TET3: variants seen among roughly 807,000 people sequenced by gnomAD.
TET3 encodes the protein methylcytosine dioxygenase TET3.
TET3 carries 19 observed loss-of-function variants against 141.4 expected under a neutral mutation model. That is an observed-to-expected ratio of 0.13 (90% CI 0.09 to 0.20). The LOEUF is 0.20. TET3 is among the 10% of genes least tolerant of loss of function. The probability of loss-of-function intolerance (pLI) is 1.00; values close to 1 mark genes in which losing one functional copy is unlikely to be tolerated. For missense variants in TET3, 1,874 were observed against 2,356.9 expected, an observed-to-expected ratio of 0.80 and a Z score of 4.24; for synonymous variants, 1,043 against 980.9, an observed-to-expected ratio of 1.06 and a Z score of -1.18.
Position 74,032,559 on chromosome 2 carries a change from C to T in TET3, c.361-13719C>T, listed in dbSNP as rs1036339579. Among the ~76,000 whole-genome samples, 9 of 143,516 alleles carry T rather than the reference C, an allele frequency of 6.3e-5. No homozygotes were observed. In the East Asian group the frequency reaches 1.8e-3, roughly 29 times the overall value. The allele number at this position is 143,516 out of a possible 152,430, so 94.2% of individuals were successfully genotyped here. A position where few individuals can be genotyped will look rare whatever the true frequency, so the allele number is the denominator to read the frequency against. On this transcript the variant is annotated intron_variant, in intron 3 of 11. Transcript: ENST00000409262. ...TCTGGCTGAGGAGCTGCCTCCGCGT[C>T]ATGACCTGGTTCTTGTGTGCTGGCA...
At chr2:74,072,148 T>G (rs1327015834) in intron 4 of TET3, among the ~76,000 whole-genome samples, 1 of 152,180 alleles carries the variant, frequency 6.6e-6, no homozygotes, top group Non-Finnish European at 1.5e-5. Flanking sequence ...TTCTATAGAT[T>G]TACCTATTCT....
chr2:74,082,907 T>C (rs1002011957), intron 6 of TET3, among the ~76,000 whole-genome samples: 8 of 152,034 alleles, frequency 5.3e-5, no homozygotes, highest in Non-Finnish European at 7.4e-5. Flanking sequence ...CACGGGTGAG[T>C]GCAGGCATCC....
chr2:74,075,683 C>G (rs1172100107), intron 5 of TET3, among the ~76,000 whole-genome samples: 2 of 152,118 alleles, frequency 1.3e-5, no homozygotes, highest in African/African-American at 4.8e-5. Context: ...AGCTGAATGA[C>G]TATAACAGCT....
intron 5 of TET3, 52 bp from the exon 6 acceptor site, chr2:74,080,445 GT>G: frequency 1.3e-6 from 2 of 1,529,432 alleles, no homozygotes; most frequent in Non-Finnish European, 1.8e-6. Context: ...ACCAAAAGTT[GT>G]TCTCCTTTGG....
Position 74,101,471 on chromosome 2 carries a change from A to G in TET3, c.4683A>G (p.Lys1561=), listed in dbSNP as rs1691210638. Residue 1561 remains lysine, a synonymous_variant, in exon 12 of 12, where the codon AAA becomes AAG. Transcript: ENST00000409262. The surrounding 1 kb of genome is among the most constrained non-coding windows in gnomAD (Gnocchi z 8.5). ...AAGACAAGCTGTGGAACCCCATGAA[A>G]GGAGAGGAGGGCAGGATTCCAGCCG... is the stretch of plus-strand genomic sequence containing the variant. ...GFQDKLWNPM[K]GEEGRIPAAG... The G allele has an allele frequency of 6.2e-7, 1 of 1,613,610 alleles. No individual in the cohort carries two copies. The highest frequency in any genetic ancestry group is 8.5e-7 in the Non-Finnish European group (1 of 1,179,822).
At chr2:74,040,850 G>A (rs1326818059) in intron 3 of TET3, among the ~76,000 whole-genome samples, 8 of 152,072 alleles carry the variant, frequency 5.3e-5, no homozygotes, top group Non-Finnish European at 1.2e-4. Flanking sequence ...AGCCACGATC[G>A]CGCAACTGCA....
intron 3 of TET3, among the ~76,000 whole-genome samples, chr2:74,017,567 TTTG>T (rs945161767): frequency 3.3e-5 from 5 of 152,198 alleles, no homozygotes; most frequent in Non-Finnish European, 5.9e-5. Flanking sequence ...ATGACAGTAT[TTTG>T]TTGTTGTTGT....
intron 2 of TET3, among the ~76,000 whole-genome samples, chr2:74,000,499 T>G (rs1684792466): frequency 1.3e-5 from 2 of 152,122 alleles, no homozygotes; most frequent in Admixed American, 1.3e-4. Context: ...AGGCAATGTT[T>G]AAACTAAGTC....
At chr2:74,025,117 A>T (rs954060362) in intron 3 of TET3, among the ~76,000 whole-genome samples, 1 of 149,684 alleles carries the variant, frequency 6.7e-6, no homozygotes, top group South Asian at 2.1e-4. Context: ...CCAGCTGCTC[A>T]GGAGGCTGAG....
Position 74,100,398 on chromosome 2 carries a change from T to G in TET3, c.3610T>G (p.Ser1204Ala), listed in dbSNP as rs1018869692. The change falls in exon 12 of 12, where the codon TCT becomes GCT. Residue 1204 changes from serine (S) to alanine (A), a missense_variant. Around this residue, in one of 10 missense-constraint regions of TET3, gnomAD observed 602 missense variants for 590.2 expected, o/e 1.02. Coordinates refer to ENST00000409262, the MANE Select transcript of TET3 (RefSeq NM_001287491.2). ...LAGITSDPGL[S>A]LKGGLSQQGL... is the part of the protein sequence containing the mutation. The stretch of plus-strand genomic sequence containing the variant: ...CTTGCCTTCTGTTTCCCCAGGCCTG[T>G]CTCTGAAGGGTGGATTGTCCCAGCA... The G allele has an allele frequency of 1.3e-6, 2 of 1,560,058 alleles. No homozygotes were observed. Among genetic ancestry groups the G allele is most frequent in the Admixed American group, 1.9e-5 (1 of 51,876 alleles).
intron 11 of TET3, among the ~76,000 whole-genome samples, 163 bp from the exon 12 acceptor site, chr2:74,100,230 C>A (rs1020718057): frequency 6.6e-6 from 1 of 152,088 alleles, no homozygotes; most frequent in Non-Finnish European, 1.5e-5. Flanking sequence ...CCAGGGAGTA[C>A]GACCCGTTCT....
At chr2:74,075,320 C>CTTTTTT (rs971111434) in intron 5 of TET3, among the ~76,000 whole-genome samples, 7 of 89,080 alleles carry the variant, frequency 7.9e-5, no homozygotes, top group Admixed American at 1.1e-4. Context: ...GAGCCAAATA[C>CTTTTTT]TTTTTTTTTT....
chr2:74,022,563 C>T (rs1472612257), intron 3 of TET3, among the ~76,000 whole-genome samples: 1 of 149,584 alleles, frequency 6.7e-6, no homozygotes, highest in South Asian at 2.1e-4. Flanking sequence ...AGTAGTTAAT[C>T]GGTTTATTAT....
the TET3 span, among the ~76,000 whole-genome samples, chr2:74,126,426 T>G: frequency 1.3e-5 from 2 of 152,220 alleles, no homozygotes; most frequent in East Asian, 3.9e-4. Flanking sequence ...CACTCATACA[T>G]AGGCATTGAT....
At chr2:74,078,072 AAC>A (rs1689610167) in intron 5 of TET3, among the ~76,000 whole-genome samples, 1 of 152,240 alleles carries the variant, frequency 6.6e-6, no homozygotes, top group African/African-American at 2.4e-5. Flanking sequence ...AATTATCAGA[AAC>A]AGTTTTCATC....
At chr2:74,025,713 C>T (rs868412757) in intron 3 of TET3, among the ~76,000 whole-genome samples, 1 of 152,162 alleles carries the variant, frequency 6.6e-6, no homozygotes, top group East Asian at 1.9e-4. Context: ...GTAAGAGAAA[C>T]CCCCCAGATC....
At chr2:74,100,319 C>T (rs1402548844) in intron 11 of TET3, 74 bp from the exon 12 acceptor site, 9 of 1,450,456 alleles carry the variant, frequency 6.2e-6, no homozygotes, top group Non-Finnish European at 8.4e-6. Context: ...GGTCCATCCC[C>T]AGTCCCCGAC....
chr2:74,093,677 G>A lies in TET3; in HGVS notation c.3267+11G>A, dbSNP rs1321470012. ...AATGGGTGCACCGTGGTAAGCCTGTGCCCTGTCATAGCCCCACCTGTGGGG... is the reference window on the plus strand; with the variant it reads ...AATGGGTGCACCGTGGTAAGCCTGTACCCTGTCATAGCCCCACCTGTGGGG... On this transcript the variant is annotated intron_variant, in intron 10 of 11. Coordinates refer to ENST00000409262, the MANE Select transcript of TET3 (RefSeq NM_001287491.2). The surrounding 1 kb of genome is among the most constrained non-coding windows in gnomAD (Gnocchi z 4.2). 1.3e-6 allele frequency: 2 copies of A among 1,590,484 alleles called. No individual in the cohort carries two copies. Among genetic ancestry groups the A allele is most frequent in the Admixed American group, 1.7e-5 (1 of 58,384 alleles).
intron 3 of TET3, among the ~76,000 whole-genome samples, chr2:74,019,535 AGT>A (rs1685916909): frequency 6.6e-6 from 1 of 152,082 alleles, no homozygotes; most frequent in Non-Finnish European, 1.5e-5. Flanking sequence ...GTGAGTTCCC[AGT>A]GGTGGGGTGC....
Sources: gnomAD v4.1 joint callset for allele counts (sites outside exome capture counted in the v4.1 genomes callset) on GRCh38, gnomAD v4.1.1 for gene constraint, gnomAD v4.1.1 regional missense constraint, Gnocchi (gnomAD v3.1) non-coding constraint, MANE v1.5 for transcripts, NCBI Gene and HGNC (gene_info 2026-07-23, HGNC 2026-07-21) for gene names.